Variants in FRMPD4 observed in about 807,000 individuals in gnomAD.
FRMPD4 encodes FERM and PDZ domain containing 4.
Under a neutral mutation model 94.1 loss-of-function variants are expected in FRMPD4, and 22 were observed. The observed-to-expected ratio is 0.23, with a 90% CI of 0.17 to 0.33. The LOEUF is 0.33. FRMPD4 is among the 10% of genes least tolerant of loss of function. FRMPD4 has a pLI of 1.00. For missense variants in FRMPD4, 1,111 were observed against 1,339.9 expected, an observed-to-expected ratio of 0.83 and a Z score of 2.67; for synonymous variants, 631 against 548.6, an observed-to-expected ratio of 1.15 and a Z score of -2.10.
chrX:12,282,001 A>G (rs1240016836), intron 1 of FRMPD4, among the ~76,000 whole-genome samples: 1 of 111,855 alleles, frequency 8.9e-6, no homozygotes, highest in African/African-American at 3.3e-5. Flanking sequence ...ATTAATATGC[A>G]TCTTGTTACC....
chrX:12,080,647 C>T (rs773755520), intron 3 of FRMPD4, among the ~76,000 whole-genome samples: 1 of 112,201 alleles, frequency 8.9e-6, no homozygotes, highest in South Asian at 3.7e-4. Flanking sequence ...GTAGAAGGAA[C>T]AGAAGACAGT....
chrX:12,222,207 T>C lies in FRMPD4; in HGVS notation c.41+83195T>C, dbSNP rs771407252. 4.5e-5 allele frequency among the ~76,000 whole-genome samples: 5 copies of C among 111,444 alleles called. No homozygotes were observed. In the South Asian group the frequency reaches 1.5e-3, roughly 33 times the overall value. ...AGGAAAGAAAATAAATATACTAAAA[T>C]ATTTAAAATCATGTTCTTAAGATTC... is the stretch of plus-strand genomic sequence containing the variant. On this transcript the variant is annotated intron_variant, in intron 1 of 16. Coordinates refer to ENST00000675598, the MANE Select transcript of FRMPD4 (RefSeq NM_001368397.1).
intron 1 of FRMPD4, among the ~76,000 whole-genome samples, chrX:12,156,367 A>G (rs1326274906): frequency 9.0e-6 from 1 of 111,550 alleles, no homozygotes; most frequent in African/African-American, 3.3e-5. Flanking sequence ...TCTGGGAGGA[A>G]AGAAGGAGGG....
chrX:11,985,620 C>T (rs2054425444), intron 3 of FRMPD4, among the ~76,000 whole-genome samples: 2 of 112,269 alleles, frequency 1.8e-5, no homozygotes, highest in Non-Finnish European at 3.8e-5. Context: ...GGCTTAGGCT[C>T]TTAGACATTA....
rs746146581 is a variant in FRMPD4, at chrX:11,830,337, G to T, written c.-161+7622G>T. Among the ~76,000 whole-genome samples, 12 of 111,938 alleles carry T rather than the reference G, an allele frequency of 1.1e-4. No individual in the cohort carries two copies. The East Asian group carries it at 2.8e-3, about 26-fold the overall frequency. Reference sequence around the variant, plus strand: ...TTTTAACTTTTAGTTATATATGTATGTTTTAAACCACATGTTATGTAAACT... The same window carrying T: ...TTTTAACTTTTAGTTATATATGTATTTTTTAAACCACATGTTATGTAAACT... On this transcript the variant is annotated intron_variant, in intron 1 of 18. Transcript: ENST00000640291.
At chrX:12,264,651 A>G (rs1014214146) in intron 1 of FRMPD4, among the ~76,000 whole-genome samples, 2 of 112,511 alleles carry the variant, frequency 1.8e-5, no homozygotes, top group African/African-American at 6.5e-5. Flanking sequence ...GAGTTTGTCT[A>G]TTAGTCTAAC....
chrX:12,213,647 A>G (rs1308523526), intron 1 of FRMPD4, among the ~76,000 whole-genome samples: 1 of 112,133 alleles, frequency 8.9e-6, no homozygotes, highest in African/African-American at 3.2e-5. Context: ...GAAGTAACCT[A>G]CTGAATTTCT....
chrX:12,114,050 T>A (rs2147527278), intron 3 of FRMPD4, among the ~76,000 whole-genome samples: 1 of 112,039 alleles, frequency 8.9e-6, no homozygotes, highest in African/African-American at 3.2e-5. Flanking sequence ...CTTTTTAAAC[T>A]ATATTTTTCT....
chrX:12,451,426 G>A (rs969753681), intron 1 of FRMPD4, among the ~76,000 whole-genome samples: 4 of 111,262 alleles, frequency 3.6e-5, no homozygotes, highest in African/African-American at 1.3e-4. Context: ...TACATTTTCC[G>A]TCTGTTTAAT....
chrX:12,254,291 A>T (rs1398832202), intron 1 of FRMPD4, among the ~76,000 whole-genome samples: 1 of 112,538 alleles, frequency 8.9e-6, no homozygotes, highest in African/African-American at 3.2e-5. Flanking sequence ...CAACAGACAG[A>T]CTTGGGAATA....
At chrX:12,274,137 T>C (rs2054396007) in intron 1 of FRMPD4, among the ~76,000 whole-genome samples, 1 of 110,941 alleles carries the variant, frequency 9.0e-6, no homozygotes, top group African/African-American at 3.3e-5. Context: ...CTCTAGGATT[T>C]TTTTTTTTTA....
At chrX:12,317,548 C>A (rs1044988934) in intron 1 of FRMPD4, among the ~76,000 whole-genome samples, 1 of 57,201 alleles carries the variant, frequency 1.7e-5, no homozygotes, top group Non-Finnish European at 3.3e-5. Flanking sequence ...AAGGGATTAA[C>A]AACTAGAATA....
chrX:11,875,145 G>A (rs1310332328), intron 2 of FRMPD4, among the ~76,000 whole-genome samples: 1 of 112,216 alleles, frequency 8.9e-6, no homozygotes, highest in African/African-American at 3.2e-5. Context: ...GATTTTAAAG[G>A]CATTCAAAAT....
At chrX:11,926,377 A>C (rs1398388692) in intron 3 of FRMPD4, among the ~76,000 whole-genome samples, 1 of 110,292 alleles carries the variant, frequency 9.1e-6, no homozygotes. Flanking sequence ...AAAATTGAGG[A>C]GGAGAGACTC....
At chrX:12,100,206 A>T (rs2055242978) in intron 3 of FRMPD4, among the ~76,000 whole-genome samples, 1 of 112,216 alleles carries the variant, frequency 8.9e-6, no homozygotes, top group Admixed American at 9.5e-5. Flanking sequence ...TCTTAGATAG[A>T]ATCTCTGAAA....
intron 1 of FRMPD4, among the ~76,000 whole-genome samples, chrX:12,335,603 C>T (rs931936157): frequency 9.0e-6 from 1 of 111,530 alleles, no homozygotes; most frequent in African/African-American, 3.3e-5. Flanking sequence ...ATTTCTCTCC[C>T]CACTGAGATG....
At chrX:12,238,940 TCATG>T (rs2057100643) in intron 1 of FRMPD4, among the ~76,000 whole-genome samples, 1 of 112,337 alleles carries the variant, frequency 8.9e-6, no homozygotes, top group Non-Finnish European at 1.9e-5. Context: ...AGTGGAATAA[TCATG>T]CTTTAGAAAC....
intron 3 of FRMPD4, among the ~76,000 whole-genome samples, chrX:11,912,536 C>T (rs995404070): frequency 9.0e-6 from 1 of 111,730 alleles, no homozygotes; most frequent in African/African-American, 3.3e-5. Flanking sequence ...ATCTGCTGGC[C>T]TGATAAGCTA....
intron 3 of FRMPD4, among the ~76,000 whole-genome samples, chrX:11,999,909 G>A (rs759073823): frequency 7.2e-5 from 8 of 111,572 alleles, no homozygotes; most frequent in Admixed American, 1.9e-4. Context: ...TATTCAAAAC[G>A]TAGTATAGAC....
Sources: allele counts gnomAD v4.1 joint callset (sites outside exome capture counted in the v4.1 genomes callset), GRCh38; gene constraint gnomAD v4.1.1; transcripts MANE v1.5; gene names NCBI Gene and HGNC (gene_info 2026-07-23, HGNC 2026-07-21).